CRTAC1: variants seen among roughly 807,000 people sequenced by gnomAD.
CRTAC1 encodes cartilage acidic protein 1, also known as acidic secreted protein in cartilage.
CRTAC1 carries 37 observed loss-of-function variants against 67.8 expected under a neutral mutation model. The observed-to-expected ratio is 0.55, with a 90% CI of 0.42 to 0.72. CRTAC1 has a LOEUF of 0.72. Ranked by LOEUF, CRTAC1 falls within the 30% of genes least tolerant of loss-of-function variation. The pLI is 0.00. For synonymous variants in CRTAC1, 348 were observed against 371.0 expected (o/e 0.94, Z 0.71); for missense variants, 780 against 931.6 (o/e 0.84, Z 2.12).
At chr10:98,004,631 C>T (rs1316398407) in intron 2 of CRTAC1, among the ~76,000 whole-genome samples, 1 of 151,702 alleles carries the variant, frequency 6.6e-6, no homozygotes, top group Non-Finnish European at 1.5e-5. Flanking sequence ...GTGGAGTTTG[C>T]AATGGTCACA....
In CRTAC1 at chr10:97,949,643, G is replaced by A. The variant is rs186193422; in HGVS notation, c.225-13277C>T. ...GGAGAGAGCCCTGGACTTGAAGTCA[G>A]ACATAAAGGCTGAGAGGCAGCATAG... On this transcript the variant is annotated intron_variant, in intron 2 of 14. Coordinates refer to ENST00000370597, the MANE Select transcript of CRTAC1 (RefSeq NM_018058.7). Among the ~76,000 whole-genome samples the A allele has an allele frequency of 1.2e-3, 182 of 152,354 alleles. 1 individual carries two copies. The highest frequency in any genetic ancestry group is 4.1e-3 in the African/African-American group (171 of 41,584).
intron 3 of CRTAC1, among the ~76,000 whole-genome samples, chr10:97,927,877 C>T (rs1195955068): frequency 6.6e-6 from 1 of 152,188 alleles, no homozygotes; most frequent in African/African-American, 2.4e-5. Flanking sequence ...CAATAAACAC[C>T]CAGCACTGGC....
rs147627391 is a variant in CRTAC1 at position 97,975,909 on chromosome 10, T to G, written c.224+35229A>C. ...GAAGCCTTGGAAGAAAGAGGAACCA[T>G]CTACCTGGTGTGTGGCCCGTTCCCC... On this transcript the variant is annotated intron_variant, in intron 2 of 14. Coordinates refer to ENST00000370597, the MANE Select transcript of CRTAC1 (RefSeq NM_018058.7). The surrounding 1 kb of genome is among the most constrained non-coding windows in gnomAD (Gnocchi z 4.8). 6.4e-4 allele frequency among the ~76,000 whole-genome samples: 97 copies of G among 152,282 alleles called. 1 individual carries two copies. The highest frequency in any genetic ancestry group is 2.3e-3 in the African/African-American group (95 of 41,574).
intron 2 of CRTAC1, among the ~76,000 whole-genome samples, chr10:97,966,999 C>G (rs56672440): frequency 9.8e-4 from 128 of 130,906 alleles, no homozygotes; most frequent in African/African-American, 3.2e-3. Context: ...AGTCACCCCC[C>G]CCCCCCCGAC....
At chr10:97,983,296 T>C (rs1295205530) in intron 2 of CRTAC1, among the ~76,000 whole-genome samples, 1 of 147,996 alleles carries the variant, frequency 6.8e-6, no homozygotes, top group African/African-American at 2.7e-5. Flanking sequence ...ACACTGTGCT[T>C]ACATTCAAGA....
chr10:97,939,311 T>C (rs2051136234), intron 2 of CRTAC1, among the ~76,000 whole-genome samples: 1 of 152,202 alleles, frequency 6.6e-6, no homozygotes, highest in East Asian at 1.9e-4. Context: ...TAAAGAGTTT[T>C]AAGGTGCCAG....
chr10:98,026,160 A>C (rs1275504414), intron 1 of CRTAC1, among the ~76,000 whole-genome samples: 1 of 152,226 alleles, frequency 6.6e-6, no homozygotes, highest in East Asian at 1.9e-4. Context: ...GTCTCCCTCC[A>C]GCTTCGCTCC....
intron 2 of CRTAC1, among the ~76,000 whole-genome samples, chr10:97,970,926 A>T (rs1177510080): frequency 1.3e-5 from 2 of 152,250 alleles, no homozygotes; most frequent in African/African-American, 4.8e-5. Flanking sequence ...AAATGATCAG[A>T]GTACATAAAG....
chr10:97,917,113 TGC>T (rs2050770020), intron 5 of CRTAC1, among the ~76,000 whole-genome samples: 1 of 152,242 alleles, frequency 6.6e-6, no homozygotes, highest in African/African-American at 2.4e-5. Context: ...CAATAAAGAA[TGC>T]TTTAAATCTC....
At chr10:97,919,234 C>A (rs1461726373) in intron 4 of CRTAC1, among the ~76,000 whole-genome samples, 1 of 152,130 alleles carries the variant, frequency 6.6e-6, no homozygotes, top group East Asian at 1.9e-4. Context: ...AACAATGATA[C>A]AAGCATATGG....
intron 1 of CRTAC1, among the ~76,000 whole-genome samples, chr10:98,027,209 C>G (rs942871169): frequency 2.0e-5 from 3 of 151,642 alleles, no homozygotes; most frequent in Non-Finnish European, 2.9e-5. Context: ...CCACAGGCCA[C>G]TCAGCAAACC....
At chr10:97,934,259 A>G (rs982014239) in intron 3 of CRTAC1, among the ~76,000 whole-genome samples, 1 of 152,226 alleles carries the variant, frequency 6.6e-6, no homozygotes, top group Admixed American at 6.5e-5. Flanking sequence ...CAGCCCATCA[A>G]TTAATTGTGT....
intron 5 of CRTAC1, among the ~76,000 whole-genome samples, chr10:97,916,327 A>G (rs1216915060): frequency 1.3e-5 from 2 of 152,162 alleles, no homozygotes; most frequent in Admixed American, 6.5e-5. Context: ...CAGCCTTTCC[A>G]TGGTACCTTC....
rs2050540726 is a variant in CRTAC1 at position 97,901,505 on chromosome 10, G to A, written c.1131C>T (p.Phe377=). 1 of 1,614,154 alleles carries A rather than the reference G, an allele frequency of 6.2e-7. No homozygotes were observed. The highest frequency in any genetic ancestry group is 8.5e-7 in the Non-Finnish European group (1 of 1,180,004). ...ACGAGCCAGGATGGAGCATCTACCGGAAGAGGCGGTTGGCTGAGGAGCTGC... is the reference window on the plus strand; with the variant it reads ...ACGAGCCAGGATGGAGCATCTACCGAAAGAGGCGGTTGGCTGAGGAGCTGC... The part of the protein sequence containing the change: ...AYRSSSANRL[F]RVIRREHGDP... The change falls in exon 8 of 15, where the codon TTC becomes TTT. Residue 377 remains phenylalanine (F), a splice_region_variant and synonymous_variant. Coordinates refer to ENST00000370597, the MANE Select transcript of CRTAC1 (RefSeq NM_018058.7).
intron 2 of CRTAC1, among the ~76,000 whole-genome samples, chr10:98,010,320 G>A (rs185010773): frequency 5.3e-4 from 81 of 152,262 alleles, no homozygotes; most frequent in Middle Eastern, 3.4e-3. Context: ...GATTACAGGC[G>A]TGAGCCACTG....
rs189916625 is a variant in CRTAC1 at position 98,009,933 on chromosome 10, G to T, written c.224+1205C>A. ...CCCCATCTGCCTTTTCTCTCAATGT[G>T]GATGACAATACATTTACTTCATAGT... On this transcript the variant is annotated intron_variant, in intron 2 of 14. Transcript: ENST00000370597. 1.9e-3 allele frequency among the ~76,000 whole-genome samples: 294 copies of T among 152,178 alleles called. 2 individuals are homozygous for T. The highest frequency in any genetic ancestry group is 6.1e-3 in the African/African-American group (255 of 41,502).
intron 11 of CRTAC1, among the ~76,000 whole-genome samples, chr10:97,892,376 GA>G (rs2050388088): frequency 6.6e-6 from 1 of 152,212 alleles, no homozygotes; most frequent in Non-Finnish European, 1.5e-5. Context: ...CGGAGTGGGG[GA>G]GTTGATATCC....
At chr10:97,987,521 G>C (rs2052000835) in intron 2 of CRTAC1, among the ~76,000 whole-genome samples, 1 of 152,186 alleles carries the variant, frequency 6.6e-6, no homozygotes, top group African/African-American at 2.4e-5. Context: ...GGGATTCCAG[G>C]GCAACCAAGG....
chr10:97,988,548 C>T (rs1051935047), intron 2 of CRTAC1, among the ~76,000 whole-genome samples: 11 of 152,000 alleles, frequency 7.2e-5, no homozygotes, highest in African/African-American at 1.7e-4. Context: ...ATGGTGACTC[C>T]GTCTCTACTA....
Sources: allele counts gnomAD v4.1 joint callset (sites outside exome capture counted in the v4.1 genomes callset), GRCh38; gene constraint gnomAD v4.1.1; non-coding constraint Gnocchi (gnomAD v3.1); transcripts MANE v1.5; gene names NCBI Gene and HGNC (gene_info 2026-07-23, HGNC 2026-07-21).